Variants in KCNMA1 observed in about 807,000 individuals in gnomAD.
KCNMA1 encodes the protein Calcium-activated potassium channel subunit alpha-1.
KCNMA1 carries 29 observed loss-of-function variants against 140.0 expected under a neutral mutation model. The ratio of observed to expected loss-of-function variants is 0.21; its 90% CI spans 0.15 to 0.28. The LOEUF is 0.28. Among genes scored for constraint, KCNMA1 ranks in the 10% least tolerant of loss-of-function variants. The pLI is 1.00. For missense variants in KCNMA1, 880 were observed against 1,602.2 expected (o/e 0.55, Z 7.70); for synonymous variants, 612 against 611.9 (o/e 1.00, Z 0.00).
intron 3 of KCNMA1, among the ~76,000 whole-genome samples, chr10:77,212,128 CA>C (rs897331426): frequency 6.6e-6 from 1 of 151,910 alleles, no homozygotes; most frequent in African/African-American, 2.4e-5. Flanking sequence ...ATAATTATAC[CA>C]AAAAAACACA....
intron 2 of KCNMA1, among the ~76,000 whole-genome samples, chr10:77,280,271 A>T (rs918117940): frequency 2.0e-5 from 3 of 152,240 alleles, no homozygotes; most frequent in Non-Finnish European, 2.9e-5. Flanking sequence ...CAGACTCCAG[A>T]GAACGCCACT....
chr10:77,055,630 C>A (rs1246192662), intron 14 of KCNMA1, among the ~76,000 whole-genome samples: 2 of 152,126 alleles, frequency 1.3e-5, no homozygotes, highest in African/African-American at 4.8e-5. Context: ...GAATTTTCCT[C>A]TCTGCCCAAA....
rs569684050 is a variant in KCNMA1, at chr10:76,951,655, A to G, written c.2484+2146T>C. 4.6e-5 allele frequency among the ~76,000 whole-genome samples: 7 copies of G among 152,176 alleles called. No homozygotes were observed. The East Asian group carries it at 1.4e-3, about 29-fold the overall frequency. On this transcript the variant is annotated intron_variant, in intron 21 of 27. Coordinates refer to ENST00000286628, the MANE Select transcript of KCNMA1 (RefSeq NM_001161352.2). ...AAAGCATCCTCATGTAGCTGGCCCT[A>G]CCTGTCATTCTTATCTCTAGCCGTG...
chr10:76,950,868 C>G (rs1193603970), intron 21 of KCNMA1, among the ~76,000 whole-genome samples: 1 of 152,150 alleles, frequency 6.6e-6, no homozygotes, highest in Non-Finnish European at 1.5e-5. Context: ...TAAGAAATGC[C>G]TTAGAAACTG....
chr10:77,027,866 G>A lies in KCNMA1; in HGVS notation c.1885C>T (p.Leu629=), dbSNP rs369724043. Reference sequence around the variant, plus strand: ...GACTTGTACTCAATGGCTATCATTAGGAGCTTGAGCTTCACAAAACACAGC... The same window carrying A: ...GACTTGTACTCAATGGCTATCATTAAGAGCTTGAGCTTCACAAAACACAGC... ...CELCFVKLKL[L]MIAIEYKSAN... The change falls in exon 16 of 28, where the codon CTA becomes TTA. Residue 629 remains leucine (L), a synonymous_variant. Coordinates refer to ENST00000286628, the MANE Select transcript of KCNMA1 (RefSeq NM_001161352.2). 9 of 1,613,712 alleles carry A rather than the reference G, an allele frequency of 5.6e-6. No homozygotes were observed. Among genetic ancestry groups the A allele is most frequent in the Non-Finnish European group, 8.5e-7 (1 of 1,179,920 alleles).
chr10:77,449,924 G>A (rs1020265257), intron 1 of KCNMA1, among the ~76,000 whole-genome samples: 7 of 151,412 alleles, frequency 4.6e-5, no homozygotes, highest in Admixed American at 1.3e-4. Context: ...TTACAGGTGT[G>A]AGCCACCACG....
chr10:77,499,338 CAA>C (rs1341304952), intron 1 of KCNMA1, among the ~76,000 whole-genome samples: 1 of 148,392 alleles, frequency 6.7e-6, no homozygotes, highest in South Asian at 2.1e-4. Flanking sequence ...AAGACGAAAA[CAA>C]AAAAAAGTTT....
intron 2 of KCNMA1, among the ~76,000 whole-genome samples, chr10:77,360,182 G>T (rs1444379059): frequency 6.6e-6 from 1 of 152,160 alleles, no homozygotes; most frequent in Non-Finnish European, 1.5e-5. Context: ...AGAAAAGGAA[G>T]AAAAATATAT....
chr10:77,182,488 G>T (rs1267710986), intron 5 of KCNMA1, among the ~76,000 whole-genome samples: 2 of 152,336 alleles, frequency 1.3e-5, no homozygotes, highest in African/African-American at 2.4e-5. Context: ...ACATGTGAAG[G>T]CCTGGGAACC....
At chr10:77,021,208 G>T (rs530909560) in intron 16 of KCNMA1, 1 of 152,246 alleles carries the variant, frequency 6.6e-6, no homozygotes, top group Non-Finnish European at 1.5e-5. Context: ...TCCATGCACT[G>T]GCTTTGCAAA....
chr10:77,529,878 C>T (rs1197606482), intron 1 of KCNMA1, among the ~76,000 whole-genome samples: 9 of 152,020 alleles, frequency 5.9e-5, no homozygotes, highest in South Asian at 4.1e-4. Context: ...ATTCAGTCTC[C>T]GCTACTTTCT....
intron 22 of KCNMA1, among the ~76,000 whole-genome samples, chr10:76,945,506 G>A (rs998823717): frequency 4.6e-5 from 7 of 152,184 alleles, no homozygotes; most frequent in African/African-American, 7.2e-5. Flanking sequence ...GGAGGCTATG[G>A]ATGGAGTGGA....
intron 15 of KCNMA1, among the ~76,000 whole-genome samples, chr10:77,034,472 G>A (rs920340364): frequency 6.6e-6 from 1 of 152,106 alleles, no homozygotes; most frequent in East Asian, 1.9e-4. Context: ...TTCGCCGGGC[G>A]GTCTTAAATT....
intron 1 of KCNMA1, among the ~76,000 whole-genome samples, chr10:77,445,100 AC>A (rs1448861742): frequency 6.6e-6 from 1 of 152,136 alleles, no homozygotes; most frequent in African/African-American, 2.4e-5. Flanking sequence ...GGCAAGGACC[AC>A]CCAGCAGCGT....
At chr10:77,625,653 A>G (rs778720513) in intron 1 of KCNMA1, among the ~76,000 whole-genome samples, 1 of 152,170 alleles carries the variant, frequency 6.6e-6, no homozygotes, top group Non-Finnish European at 1.5e-5. Flanking sequence ...CTCGATGTTC[A>G]TCTATGTGGT....
chr10:77,235,092 T>C (rs1413425287), intron 3 of KCNMA1, among the ~76,000 whole-genome samples: 1 of 152,228 alleles, frequency 6.6e-6, no homozygotes, highest in African/African-American at 2.4e-5. Context: ...TAATTAATAC[T>C]AGCAGGCATT....
At chr10:77,568,444 A>C (rs1200992929) in intron 1 of KCNMA1, among the ~76,000 whole-genome samples, 39 of 150,278 alleles carry the variant, frequency 2.6e-4, no homozygotes, top group South Asian at 8.4e-4. Flanking sequence ...GCAAATCAAT[A>C]AATGTAATCC....
intron 2 of KCNMA1, among the ~76,000 whole-genome samples, chr10:77,251,525 C>T (rs146991178): frequency 1.3e-4 from 20 of 152,172 alleles, no homozygotes; most frequent in South Asian, 1.0e-3. Flanking sequence ...CCTGTTATCT[C>T]GAAGTCCAGC....
chr10:77,632,298 G>A (rs1048173039), intron 1 of KCNMA1, among the ~76,000 whole-genome samples: 5 of 152,184 alleles, frequency 3.3e-5, no homozygotes, highest in African/African-American at 1.2e-4. Flanking sequence ...GGTCTGGGTA[G>A]ACAGTGAGTG....
Sources: allele counts gnomAD v4.1 joint callset (sites outside exome capture counted in the v4.1 genomes callset), GRCh38; gene constraint gnomAD v4.1.1; transcripts MANE v1.5; gene names NCBI Gene and HGNC (gene_info 2026-07-23, HGNC 2026-07-21).